The following SPAG16 variants were observed in gnomAD, a reference collection of about 807,000 sequenced individuals.
SPAG16 encodes sperm-associated antigen 16 protein.
Under a neutral mutation model 80.4 loss-of-function variants are expected in SPAG16, and 86 were observed. The observed-to-expected ratio is 1.07, with a 90% CI of 0.90 to 1.28. The LOEUF (loss-of-function observed/expected upper bound fraction) is 1.28, where lower values mean the gene tolerates loss of function less well. Among genes scored for constraint, SPAG16 ranks in the 50% most tolerant of loss-of-function variants. SPAG16 has a pLI of 0.00. For missense variants in SPAG16, 870 were observed against 765.3 expected (o/e 1.14, Z -1.61); for synonymous variants, 294 against 265.9 (o/e 1.11, Z -1.03).
chr2:214,329,291 TAAAG>T (rs60672157), intron 15 of SPAG16, among the ~76,000 whole-genome samples: 121,140 of 151,608 alleles, frequency 0.8, 48,583 homozygotes, highest in African/African-American at 0.84. Flanking sequence ...TGCCAAACCT[TAAAG>T]AAAGAATTCT....
At chr2:214,277,740 T>A (rs1414032438) in intron 15 of SPAG16, among the ~76,000 whole-genome samples, 1 of 152,212 alleles carries the variant, frequency 6.6e-6, no homozygotes, top group Non-Finnish European at 1.5e-5. Context: ...GGGAGATGTC[T>A]CCCAGTTAGG....
intron 11 of SPAG16, among the ~76,000 whole-genome samples, chr2:213,908,330 G>A (rs1434999876): frequency 6.6e-6 from 1 of 152,134 alleles, no homozygotes; most frequent in Non-Finnish European, 1.5e-5. Context: ...TTCTCCTTTT[G>A]AACTCCACCT....
intron 9 of SPAG16, among the ~76,000 whole-genome samples, chr2:213,384,973 G>T (rs1175637797): frequency 6.6e-6 from 1 of 152,112 alleles, no homozygotes; most frequent in Non-Finnish European, 1.5e-5. Flanking sequence ...GCTTCTGGCT[G>T]GCCTCTGCTT....
intron 11 of SPAG16, among the ~76,000 whole-genome samples, chr2:213,915,830 G>A (rs1014353895): frequency 6.6e-6 from 1 of 152,084 alleles, no homozygotes; most frequent in South Asian, 2.1e-4. Context: ...GCATGAGATG[G>A]TATCTCATAG....
chr2:213,918,006 T>C lies in SPAG16; in HGVS notation c.1215-11954T>C, dbSNP rs528212451. Among the ~76,000 whole-genome samples the C allele has an allele frequency of 1.8e-4, 28 of 152,302 alleles. No homozygotes were observed. The South Asian group carries it at 1.9e-3, about 10-fold the overall frequency. On this transcript the variant is annotated intron_variant, in intron 11 of 15. Transcript: ENST00000331683. ...GAAGATGTATTTTATCAAAAGACTT[T>C]TCTGCATCTATTGAGATAATCATCT...
At chr2:214,309,345 GTGTACTTC>G (rs1695131892) in intron 15 of SPAG16, among the ~76,000 whole-genome samples, 1 of 151,996 alleles carries the variant, frequency 6.6e-6, no homozygotes. Context: ...CTATAGCTCA[GTGTACTTC>G]CTTTCCATTC....
At chr2:213,479,701 T>A (rs999622095) in intron 9 of SPAG16, among the ~76,000 whole-genome samples, 1 of 152,232 alleles carries the variant, frequency 6.6e-6, no homozygotes, top group Admixed American at 6.5e-5. Flanking sequence ...CTCGGTCCTC[T>A]ACAGCCATCA....
At chr2:213,967,000 G>T (rs2044742096) in intron 12 of SPAG16, among the ~76,000 whole-genome samples, 1 of 152,214 alleles carries the variant, frequency 6.6e-6, no homozygotes, top group Non-Finnish European at 1.5e-5. Flanking sequence ...GAGAGATTCA[G>T]TCAGCTCACC....
intron 5 of SPAG16, among the ~76,000 whole-genome samples, chr2:213,331,631 G>A (rs572030910): frequency 4.7e-4 from 71 of 152,212 alleles, no homozygotes; most frequent in African/African-American, 1.7e-3. Flanking sequence ...TATATGTTAG[G>A]TTACAGAACA....
intron 11 of SPAG16, among the ~76,000 whole-genome samples, chr2:213,868,922 C>A (rs1327048159): frequency 6.6e-6 from 1 of 152,014 alleles, no homozygotes; most frequent in Non-Finnish European, 1.5e-5. Context: ...AGTATGAAAA[C>A]CCCTTGACGA....
chr2:213,336,087 G>C lies in SPAG16; in HGVS notation c.537-4076G>C, dbSNP rs138221699. ...TCGAGGGCCCACCCAAGAGCTGTGT[G>C]GGCAAAGGAAGCTTTCTCCCCCAGC... On this transcript the variant is annotated intron_variant, in intron 5 of 15. Coordinates refer to ENST00000331683, the MANE Select transcript of SPAG16 (RefSeq NM_024532.5). Among the ~76,000 whole-genome samples the C allele has an allele frequency of 4.7e-4, 71 of 152,276 alleles. No homozygotes were observed. In the East Asian group the frequency reaches 0.013, roughly 28 times the overall value.
intron 10 of SPAG16, among the ~76,000 whole-genome samples, chr2:213,616,602 T>C (rs2061606284): frequency 6.6e-6 from 1 of 152,246 alleles, no homozygotes. Flanking sequence ...TTTAGAATCC[T>C]GAGGGAGTTG....
chr2:213,351,974 C>T (rs1250143275), intron 7 of SPAG16, among the ~76,000 whole-genome samples: 2 of 151,966 alleles, frequency 1.3e-5, no homozygotes, highest in East Asian at 1.9e-4. Context: ...GGTGGTTTCT[C>T]CCATGCTATT....
At chr2:213,949,597 T>G (rs1317627768) in intron 12 of SPAG16, among the ~76,000 whole-genome samples, 1 of 152,232 alleles carries the variant, frequency 6.6e-6, no homozygotes, top group South Asian at 2.1e-4. Flanking sequence ...TTGTGAGGTC[T>G]TTGGTACTCA....
chr2:214,284,927 C>A (rs1377785878), intron 15 of SPAG16, among the ~76,000 whole-genome samples: 1 of 152,014 alleles, frequency 6.6e-6, no homozygotes, highest in East Asian at 1.9e-4. Context: ...ATGAGTAGGA[C>A]CACAATCAAC....
At chr2:213,616,029 T>C (rs1310692594) in intron 10 of SPAG16, among the ~76,000 whole-genome samples, 2 of 152,206 alleles carry the variant, frequency 1.3e-5, no homozygotes, top group Non-Finnish European at 2.9e-5. Flanking sequence ...CTGCATGTTC[T>C]GCACATGTAT....
chr2:213,802,970 A>G (rs1254867341), intron 10 of SPAG16, among the ~76,000 whole-genome samples: 1 of 152,146 alleles, frequency 6.6e-6, no homozygotes, highest in Non-Finnish European at 1.5e-5. Flanking sequence ...ATAGGTAGTA[A>G]TTGGTCTCAT....
At chr2:213,654,666 G>A (rs527553576) in intron 10 of SPAG16, among the ~76,000 whole-genome samples, 10 of 150,456 alleles carry the variant, frequency 6.6e-5, no homozygotes, top group Admixed American at 2.0e-4. Flanking sequence ...GAATTGAGCC[G>A]AGATTGCGCC....
chr2:213,718,553 T>A (rs2066354848), intron 10 of SPAG16, among the ~76,000 whole-genome samples: 1 of 152,086 alleles, frequency 6.6e-6, no homozygotes, highest in African/African-American at 2.4e-5. Context: ...GAGTTCCGGG[T>A]GGGCGTGGGC....
Sources: allele counts gnomAD v4.1 joint callset (sites outside exome capture counted in the v4.1 genomes callset), GRCh38; gene constraint gnomAD v4.1.1; transcripts MANE v1.5; gene names NCBI Gene and HGNC (gene_info 2026-07-23, HGNC 2026-07-21).